The following TGFA variants were observed in gnomAD, a reference collection of about 807,000 sequenced individuals.
The protein encoded by TGFA is transforming growth factor alpha, also known as protransforming growth factor alpha.
A neutral mutation model predicts 21.7 loss-of-function variants in TGFA; 12 were observed. The observed-to-expected ratio is 0.55, with a 90% CI of 0.35 to 0.90. TGFA has a LOEUF of 0.90. Among genes scored for constraint, TGFA ranks in the 40% least tolerant of loss-of-function variants. The pLI is 0.01. For synonymous variants in TGFA, 79 were observed against 88.1 expected (o/e 0.90, Z 0.58); for missense variants, 178 against 210.8 (o/e 0.84, Z 0.96).
chr2:70,450,729 G>T lies in TGFA; in HGVS notation c.*130C>A, dbSNP rs1042858008. ...GAGTTTTGAAGGCCCACAAAAGGCT[G>T]CACAGGTGATTACAGGCCAAGTAGG... On this transcript the variant is annotated 3_prime_UTR_variant, in exon 6 of 6. Coordinates refer to ENST00000295400, the MANE Select transcript of TGFA (RefSeq NM_003236.4). The T allele has an allele frequency of 2.1e-5, 22 of 1,025,102 alleles. No individual in the cohort carries two copies. The African/African-American group carries it at 3.5e-4, about 16-fold the overall frequency. The allele number at this position is 1,025,102 out of a possible 1,614,324, so 63.5% of individuals were successfully genotyped here.
intron 2 of TGFA, among the ~76,000 whole-genome samples, chr2:70,513,727 C>T (rs991440851): frequency 2.0e-5 from 3 of 152,188 alleles, no homozygotes; most frequent in African/African-American, 7.2e-5. Context: ...ACCAGGGACA[C>T]GGTGTGGTTG....
rs59567780 is a variant in TGFA at position 70,521,613 on chromosome 2, G to GTTTTTTTTTTTTTT, written c.41-6702_41-6701insAAAAAAAAAAAAAA. Among the ~76,000 whole-genome samples the GTTTTTTTTTTTTTT allele has an allele frequency of 1.3e-3, 94 of 74,018 alleles. 4 individuals are homozygous for GTTTTTTTTTTTTTT. Among genetic ancestry groups the GTTTTTTTTTTTTTT allele is most frequent in the Middle Eastern group, 0.016 (2 of 126 alleles). The allele number at this position is 74,018 out of a possible 152,430, so 48.6% of individuals were successfully genotyped here. A position where few individuals can be genotyped will look rare whatever the true frequency, so the allele number is the denominator to read the frequency against. ...TTGATAGTTTTTTTTGTTGTTGTTT[G>GTTTTTTTTTTTTTT]TTTGTTTTTTTTTTTTTTTTTTTTT... On this transcript the variant is annotated intron_variant, in intron 1 of 5. Coordinates refer to ENST00000295400, the MANE Select transcript of TGFA (RefSeq NM_003236.4).
intron 2 of TGFA, among the ~76,000 whole-genome samples, chr2:70,484,950 G>A (rs1671226209): frequency 1.3e-5 from 2 of 152,182 alleles, no homozygotes; most frequent in Non-Finnish European, 2.9e-5. Context: ...GCTATTCCTT[G>A]TCACCAATTC....
intron 1 of TGFA, among the ~76,000 whole-genome samples, chr2:70,526,683 GAGTGGGATCTCCCCTACCAACCCTGCTCT>G (rs1438282526): frequency 6.6e-6 from 1 of 152,182 alleles, no homozygotes; most frequent in Non-Finnish European, 1.5e-5. Flanking sequence ...GGGAAAATGG[GAGTGGGATCTCCCCTACCAACCCTGCTCT>G]AGTCCATTTT....
intron 2 of TGFA, among the ~76,000 whole-genome samples, chr2:70,475,115 G>A (rs1670883469): frequency 6.6e-6 from 1 of 152,076 alleles, no homozygotes; most frequent in African/African-American, 2.4e-5. Flanking sequence ...TTCCAACAGG[G>A]AGAAGAAAAT....
At chr2:70,493,898 CCTT>C (rs1671505276) in intron 2 of TGFA, among the ~76,000 whole-genome samples, 1 of 152,224 alleles carries the variant, frequency 6.6e-6, no homozygotes, top group African/African-American at 2.4e-5. Context: ...GATTTTTCCT[CCTT>C]TTCCAAATGC....
chr2:70,522,429 T>C (rs1672500627), intron 1 of TGFA, among the ~76,000 whole-genome samples: 1 of 152,170 alleles, frequency 6.6e-6, no homozygotes, highest in African/African-American at 2.4e-5. Flanking sequence ...TTCCAACTTT[T>C]ATTTTTTATT....
chr2:70,459,283 CAT>C (rs1395339105), intron 3 of TGFA, among the ~76,000 whole-genome samples: 1 of 152,216 alleles, frequency 6.6e-6, no homozygotes, highest in Non-Finnish European at 1.5e-5. Context: ...AATTACAACA[CAT>C]AACATTCACT....
At chr2:70,507,378 C>T (rs1364303504) in intron 2 of TGFA, among the ~76,000 whole-genome samples, 7 of 151,976 alleles carry the variant, frequency 4.6e-5, no homozygotes, top group African/African-American at 1.7e-4. Context: ...ATTTTTGCAT[C>T]TGTGTATATA....
chr2:70,506,326 C>T (rs1671925334), intron 2 of TGFA, among the ~76,000 whole-genome samples: 1 of 152,210 alleles, frequency 6.6e-6, no homozygotes, highest in Admixed American at 6.5e-5. Flanking sequence ...AGTGCTGTCA[C>T]CTTCTGGTGA....
In TGFA at chr2:70,449,650, C is replaced by T. The variant is rs1574060694; in HGVS notation, c.*1209G>A. ...AATGGAAATGAGGAAAAAAAAATTACTGGAATAGTTTTCCTAGTGCTCGAA... is the reference window on the plus strand; with the variant it reads ...AATGGAAATGAGGAAAAAAAAATTATTGGAATAGTTTTCCTAGTGCTCGAA... On this transcript the variant is annotated 3_prime_UTR_variant, in exon 6 of 6. Transcript: ENST00000295400. The T allele has an allele frequency of 4.1e-6, 1 of 242,718 alleles. No individual in the cohort carries two copies. The highest frequency in any genetic ancestry group is 2.3e-5 in the African/African-American group (1 of 43,688). The allele number at this position is 242,718 out of a possible 1,614,324, so 15.0% of individuals were successfully genotyped here. A position where few individuals can be genotyped will look rare whatever the true frequency, so the allele number is the denominator to read the frequency against.
At chr2:70,485,413 T>C (rs150282481) in intron 2 of TGFA, among the ~76,000 whole-genome samples, 1,533 of 152,254 alleles carry the variant, frequency 0.01, 13 homozygotes, top group Middle Eastern at 0.048. Flanking sequence ...AATTTTTGTA[T>C]TTTTAGTAGA....
Position 70,450,916 on chromosome 2 carries a change from C to T in TGFA, c.476-50G>A, listed in dbSNP as rs369043544. On this transcript the variant is annotated intron_variant, in intron 5 of 5. Coordinates refer to ENST00000295400, the MANE Select transcript of TGFA (RefSeq NM_003236.4). ...AGCACTGTGGGCCACACCCTGGCCACGTTGGGAAAATAAGCTTAGGAAAGA... is the reference window on the plus strand; with the variant it reads ...AGCACTGTGGGCCACACCCTGGCCATGTTGGGAAAATAAGCTTAGGAAAGA... 2.6e-5 allele frequency: 42 copies of T among 1,592,510 alleles called. No individual in the cohort carries two copies. In the Admixed American group the frequency reaches 4.2e-4, roughly 16 times the overall value.
At chr2:70,521,985 A>G (rs1008745397) in intron 1 of TGFA, among the ~76,000 whole-genome samples, 1 of 152,132 alleles carries the variant, frequency 6.6e-6, no homozygotes, top group Non-Finnish European at 1.5e-5. Context: ...ATGGGAATCA[A>G]ATTGGCCTCT....
At chr2:70,510,592 T>A (rs782021674) in intron 2 of TGFA, among the ~76,000 whole-genome samples, 13 of 152,070 alleles carry the variant, frequency 8.5e-5, no homozygotes, top group Non-Finnish European at 1.5e-4. Flanking sequence ...CAGAAAAAAC[T>A]GAGACCAAAT....
intron 2 of TGFA, among the ~76,000 whole-genome samples, chr2:70,492,801 T>C (rs1402116307): frequency 6.6e-6 from 1 of 152,218 alleles, no homozygotes; most frequent in African/African-American, 2.4e-5. Context: ...CTTTTACATG[T>C]TTCTTAATCA....
chr2:70,545,947 G>A (rs113312937), intron 1 of TGFA, among the ~76,000 whole-genome samples: 416 of 152,254 alleles, frequency 2.7e-3, no homozygotes, highest in African/African-American at 9.3e-3. Flanking sequence ...TAAAGGTTAA[G>A]ATGCAAGTAG....
rs1445461105 is a variant in TGFA, at chr2:70,486,912, C to T, written c.95-21176G>A. Among the ~76,000 whole-genome samples, 6 of 152,170 alleles carry T rather than the reference C, an allele frequency of 3.9e-5. No individual in the cohort carries two copies. The East Asian group carries it at 5.8e-4, about 15-fold the overall frequency. On this transcript the variant is annotated intron_variant, in intron 2 of 5. Coordinates refer to ENST00000295400, the MANE Select transcript of TGFA (RefSeq NM_003236.4). ...CTGAGTAGCTGGGACTACAGAAGCC[C>T]GCCACCACACCCAGCTAATTTTTGT...
At chr2:70,455,335 A>G (rs1279865246) in intron 4 of TGFA, among the ~76,000 whole-genome samples, 1 of 152,214 alleles carries the variant, frequency 6.6e-6, no homozygotes, top group Non-Finnish European at 1.5e-5. Flanking sequence ...GCCACAAACC[A>G]AAGGGACAGT....
Sources: gnomAD v4.1 joint callset for allele counts (sites outside exome capture counted in the v4.1 genomes callset) on GRCh38, gnomAD v4.1.1 for gene constraint, MANE v1.5 for transcripts, NCBI Gene and HGNC (gene_info 2026-07-23, HGNC 2026-07-21) for gene names.